IRF7: variants seen among roughly 807,000 people sequenced by gnomAD.
The protein encoded by IRF7 is interferon regulatory factor 7.
A neutral mutation model predicts 51.3 loss-of-function variants in IRF7; 67 were observed. The ratio of observed to expected loss-of-function variants is 1.31; its 90% CI spans 1.07 to 1.60. The LOEUF is 1.60. Ranked by LOEUF, IRF7 falls within the 40% of genes most tolerant of loss-of-function variation. The pLI, the probability that IRF7 is intolerant of heterozygous loss-of-function variation, is 0.00. For missense variants in IRF7, 873 were observed against 701.5 expected (o/e 1.24, Z -2.76); for synonymous variants, 427 against 301.3 (o/e 1.42, Z -4.32).
chr11:615,510 A>G lies in IRF7; in HGVS notation c.-146T>C. On this transcript the variant is annotated 5_prime_UTR_variant, in exon 2 of 11. Transcript: ENST00000525445. Reference sequence around the variant, plus strand: ...CCACAGGTGTGGACTGAGGGCTTGTAGCCACCGACGCTGCCTCGGTATGGA... The same window carrying G: ...CCACAGGTGTGGACTGAGGGCTTGTGGCCACCGACGCTGCCTCGGTATGGA... The G allele has an allele frequency of 1.1e-6, 1 of 882,170 alleles. No homozygotes were observed. The highest frequency in any genetic ancestry group is 1.9e-5 in the South Asian group (1 of 51,698). The allele number at this position is 882,170 out of a possible 1,614,324, so 54.6% of individuals were successfully genotyped here.
Position 612,714 on chromosome 11 carries a change from G to A in IRF7, c.1443C>T (p.Cys481=). Residue 481 remains cysteine (C), a synonymous_variant, in exon 11 of 11, where the codon TGC becomes TGT. Coordinates refer to ENST00000525445, the MANE Select transcript of IRF7 (RefSeq NM_001572.5). ...CATAGAGGCTGTTGGCGCTGGACAG[G>A]CAGAGGCTGAGGCTGCTGCTATCCA... is the stretch of plus-strand genomic sequence containing the variant. The part of the protein sequence containing the change: ...SSLDSSSLSL[C]LSSANSLYDD... 1 of 1,612,874 alleles carries A rather than the reference G, an allele frequency of 6.2e-7. No individual in the cohort carries two copies. The highest frequency in any genetic ancestry group is 2.2e-5 in the East Asian group (1 of 44,888).
rs762128931 is a variant in IRF7 at position 613,340 on chromosome 11, G to T, written c.1103C>A (p.Ala368Asp). The change falls in exon 9 of 11, where the codon GCC becomes GAC. Residue 368 changes from alanine to aspartate, a missense_variant. Coordinates refer to ENST00000525445, the MANE Select transcript of IRF7 (RefSeq NM_001572.5). ...HLELRGPQLW[A>D]RRMGKCKVYW... ...CACCTTGCACTTGCCCATGCGCCGG[G>T]CCCACAGCTGTGGCCCCCGAAGCTC... 6.2e-7 allele frequency: 1 copy of T among 1,611,644 alleles called. No homozygotes were observed. The highest frequency in any genetic ancestry group is 1.1e-5 in the South Asian group (1 of 90,972).
intron 10 of IRF7, 59 bp downstream of exon 10, chr11:612,940 C>G: frequency 5.0e-6 from 8 of 1,591,572 alleles, no homozygotes; most frequent in Non-Finnish European, 6.9e-6. Context: ...CTGAGGGCAT[C>G]AGGCGTCTGT....
rs1856768842 is a variant in IRF7 at position 615,199 on chromosome 11, A to T, written c.81T>A (p.Tyr27Ter). 1 of 1,602,038 alleles carries T rather than the reference A, an allele frequency of 6.2e-7. No homozygotes were observed. The highest frequency in any genetic ancestry group is 1.3e-5 in the African/African-American group (1 of 74,824). Residue 27 changes from tyrosine (Y) to a stop codon, truncating the protein, a stop_gained, in exon 3 of 11, where the codon TAT becomes TAA. Coordinates refer to ENST00000525445, the MANE Select transcript of IRF7 (RefSeq NM_001572.5). LOFTEE classifies it high-confidence loss of function. Reference protein sequence around the residue: ...WLLGEISSGCYEGLQWLDEAR... With the variant: ...WLLGEISSGC ...CCTCGTCCAGCCACTGCAGCCCCTC[A>T]TAGCAGCCGCTGCTGATCTCTCCAA...
rs1283068365 is a variant in IRF7, at chr11:614,845, C to T, written c.346G>A (p.Ala116Thr). Reference protein sequence around the residue: ...VMLRDNSGDPADPHKVYALSR... With the variant: ...VMLRDNSGDPTDPHKVYALSR... ...AGCGCGTACACCTTGTGCGGGTCGG[C>T]CGGGTCCCCCGAGTTATCCCGCAGC... The change falls in exon 4 of 11, where the codon GCC becomes ACC. Residue 116 changes from alanine to threonine, a missense_variant. Ala to Thr is a moderately conservative substitution (Grantham distance 58). Coordinates refer to ENST00000525445, the MANE Select transcript of IRF7 (RefSeq NM_001572.5). 1.3e-6 allele frequency: 2 copies of T among 1,563,210 alleles called. No individual in the cohort carries two copies. The highest frequency in any genetic ancestry group is 1.2e-5 in the South Asian group (1 of 85,152).
At position 613,006 on chromosome 11, in the gene IRF7, A is replaced by G. The variant is rs1169688479; in HGVS notation, c.1349T>C (p.Leu450Pro). Residue 450 changes from leucine (L) to proline (P), a missense_variant, in exon 10 of 11, where the codon CTG becomes CCG. Transcript: ENST00000525445. ...TTGAGGCTCTGGTCTCACCTTCACCAGGACCAGGCTCTTCTCCTTGGGCCT... is the reference window on the plus strand; with the variant it reads ...TTGAGGCTCTGGTCTCACCTTCACCGGGACCAGGCTCTTCTCCTTGGGCCT... ...AGRPKEKSLVLVKLEPWLCRV... is the reference protein window; with the variant it reads ...AGRPKEKSLVPVKLEPWLCRV... 1 of 1,612,938 alleles carries G rather than the reference A, an allele frequency of 6.2e-7. No individual in the cohort carries two copies. The highest frequency in any genetic ancestry group is 1.1e-5 in the South Asian group (1 of 91,076).
rs1564880698 is a variant in IRF7, at chr11:613,455, C to T, written c.988G>A (p.Ala330Thr). 6.4e-7 allele frequency: 1 copy of T among 1,551,064 alleles called. No homozygotes were observed. Among genetic ancestry groups the T allele is most frequent in the Non-Finnish European group, 8.7e-7 (1 of 1,149,196 alleles). Residue 330 changes from alanine to threonine, a missense_variant, in exon 9 of 11, where the codon GCA becomes ACA. Physicochemically the swap from Ala to Thr is moderately conservative, Grantham distance 58 (BLOSUM62 0). Transcript: ENST00000525445. ...GGGAGCTCGGCAGGGCTGGGGAATG[C>T]TACCTGCTGGGGGTCTGTGGCCCGG... ...AVRATDPQQV[A>T]FPSPAELPDQ...
In IRF7 at chr11:612,735, AT is replaced by A; in HGVS notation, c.1421del (p.Asp474ValfsTer46). ...ACAGGCAGAGGCTGAGGCTGCTGCT[AT>A]CCAGGGAAGACACACCCTCACGCTG... Reference protein sequence around the residue: ...GTQREGVSSLDSSSLSLCLSS... With the variant: ...GTQREGVSSLXSSSLSLCLSS... On this transcript the variant is annotated frameshift_variant, in exon 11 of 11. Coordinates refer to ENST00000525445, the MANE Select transcript of IRF7 (RefSeq NM_001572.5). LOFTEE classifies it high-confidence loss of function. 6.2e-7 allele frequency: 1 copy of A among 1,612,812 alleles called. No individual in the cohort carries two copies. Among genetic ancestry groups the A allele is most frequent in the Non-Finnish European group, 8.5e-7 (1 of 1,180,008 alleles).
intron 10 of IRF7, 91 bp from the exon 11 acceptor site, chr11:612,891 T>C (rs1856518030): frequency 8.2e-6 from 13 of 1,589,842 alleles, no homozygotes; most frequent in Non-Finnish European, 1.0e-5. Context: ...CGTCTGTCAG[T>C]GACCCGGTGT....
In IRF7 at chr11:613,055, A is replaced by C; in HGVS notation, c.1300T>G (p.Phe434Val). The change falls in exon 10 of 11, where the codon TTC (phenylalanine) becomes GTC (valine). Residue 434 changes from phenylalanine to valine, a missense_variant. Phe to Val is a conservative substitution (Grantham distance 50, BLOSUM62 -1). Coordinates refer to ENST00000525445, the MANE Select transcript of IRF7 (RefSeq NM_001572.5). ...CTCCCAGCTGACAGGTCCTGCCCGA[A>C]GCCCAGGTAGATGGTATAGCGTGGG... ...GSPRYTIYLG[F>V]GQDLSAGRPK... 6.2e-7 allele frequency: 1 copy of C among 1,613,078 alleles called. No homozygotes were observed. The highest frequency in any genetic ancestry group is 8.5e-7 in the Non-Finnish European group (1 of 1,179,996).
chr11:613,804 G>T lies in IRF7; in HGVS notation c.828C>A (p.Ser276Arg). 2.5e-6 allele frequency: 4 copies of T among 1,573,232 alleles called. No individual in the cohort carries two copies. Among genetic ancestry groups the T allele is most frequent in the Non-Finnish European group, 3.4e-6 (4 of 1,167,658 alleles). ...ACTCACCTTGCACCGCGGTGCAGGC[G>T]CTTGGGGAGGGTGACAGGTACGGCT... The part of the protein sequence containing the change: ...QAEPYLSPSP[S>R]ACTAVQEPSP... The change falls in exon 8 of 11, where the codon AGC becomes AGA. Residue 276 changes from serine to arginine, a missense_variant. Ser to Arg is a moderately radical substitution (Grantham distance 110). Transcript: ENST00000525445.
In IRF7 at chr11:613,839, G is replaced by A. The variant is rs1345971016; in HGVS notation, c.793C>T (p.His265Tyr). 3.8e-6 allele frequency: 6 copies of A among 1,598,340 alleles called. No individual in the cohort carries two copies. The highest frequency in any genetic ancestry group is 2.3e-5 in the East Asian group (1 of 44,418). Residue 265 changes from histidine (H) to tyrosine (Y), a missense_variant, in exon 8 of 11, where the codon CAC becomes TAC. Coordinates refer to ENST00000525445, the MANE Select transcript of IRF7 (RefSeq NM_001572.5). ...GGTGACAGGTACGGCTCTGCCTGGT[G>A]CGGGGACTCTGGGGCCGCGGCCTCG... is the stretch of plus-strand genomic sequence containing the variant. ...TGEAAAPESP[H>Y]QAEPYLSPSP...
chr11:613,075 C>T lies in IRF7; in HGVS notation c.1280G>A (p.Arg427His), dbSNP rs772011524. ...FRARQRRGSPRYTIYLGFGQD... is the reference protein window; with the variant it reads ...FRARQRRGSPHYTIYLGFGQD... ...CCCGAAGCCCAGGTAGATGGTATAG[C>T]GTGGGGAGCCACGGCGCTGCCGTGC... The change falls in exon 10 of 11, where the codon CGC becomes CAC. Residue 427 changes from arginine (R) to histidine (H), a missense_variant. Arg to His is a conservative substitution (Grantham distance 29, BLOSUM62 0). Transcript: ENST00000525445. 3.7e-5 allele frequency: 59 copies of T among 1,612,928 alleles called. No homozygotes were observed. Among genetic ancestry groups the T allele is most frequent in the African/African-American group, 6.7e-5 (5 of 74,928 alleles).
rs1244336930 is a variant in IRF7, at chr11:615,236, C to T, written c.44G>A (p.Gly15Glu). ...PERAAPRVLF[G>E]EWLLGEISSG... ...GCTGATCTCTCCAAGGAGCCACTCT[C>T]CGAACAGCACGCGTGGGGCTGCCCT... is the stretch of plus-strand genomic sequence containing the variant. Residue 15 changes from glycine (G) to glutamate (E), a missense_variant, in exon 3 of 11, where the codon GGA becomes GAA. Transcript: ENST00000525445. The T allele has an allele frequency of 6.3e-7, 1 of 1,589,586 alleles. No homozygotes were observed. Among genetic ancestry groups the T allele is most frequent in the Non-Finnish European group, 8.5e-7 (1 of 1,172,614 alleles).
intron 1 of IRF7, 50 bp from the exon 2 acceptor site, chr11:615,697 A>G (rs1856807307): frequency 5.3e-6 from 2 of 378,174 alleles, no homozygotes; most frequent in South Asian, 1.1e-4. Flanking sequence ...CTCCCGGGAA[A>G]GCGAAACCTA....
In IRF7 at chr11:614,039, TGAG is replaced by T. The variant is rs778582761; in HGVS notation, c.680-5_680-3del. The T allele has an allele frequency of 6.2e-7, 1 of 1,606,472 alleles. No individual in the cohort carries two copies. The highest frequency in any genetic ancestry group is 2.2e-5 in the East Asian group (1 of 44,598). ...GCTCCCCAGCAGGGAGCCCTGGGCC[TGAG>T]GAGGGGAGGACAGTGGGAACGGTGG... On this transcript the variant is annotated splice_region_variant and splice_polypyrimidine_tract_variant and intron_variant, in intron 6 of 10. Coordinates refer to ENST00000525445, the MANE Select transcript of IRF7 (RefSeq NM_001572.5).
Position 614,981 on chromosome 11 carries a change from C to T in IRF7, c.210G>A (p.Trp70Ter). 1 of 1,547,316 alleles carries T rather than the reference C, an allele frequency of 6.5e-7. No homozygotes were observed. Among genetic ancestry groups the T allele is most frequent in the African/African-American group, 1.4e-5 (1 of 73,688 alleles). The part of the protein sequence containing the change: ...FKAWAVARGR[W>*]PPSSRGGGPP... ...GGCCACCTCCCCTGCTGCTAGGCGG[C>T]CACCTGCCGCGGGCCACAGCCCAGG... The change falls in exon 4 of 11, where the codon TGG (tryptophan) becomes TGA (stop). Residue 70 changes from tryptophan (W) to a stop codon, truncating the protein, a stop_gained. Coordinates refer to ENST00000525445, the MANE Select transcript of IRF7 (RefSeq NM_001572.5). LOFTEE classifies it high-confidence loss of function.
Position 612,982 on chromosome 11 carries a change from T to C in IRF7, c.1356+17A>G. 2.5e-6 allele frequency: 4 copies of C among 1,610,934 alleles called. No homozygotes were observed. Among genetic ancestry groups the C allele is most frequent in the Non-Finnish European group, 3.4e-6 (4 of 1,178,168 alleles). ...GCCTGAGCACATGGCCTCCCCTCCT[T>C]GAGGCTCTGGTCTCACCTTCACCAG... On this transcript the variant is annotated intron_variant, in intron 10 of 10. Transcript: ENST00000525445.
Sources: gnomAD v4.1 joint callset for allele counts on GRCh38, gnomAD v4.1.1 for gene constraint, MANE v1.5 for transcripts, NCBI Gene and HGNC (gene_info 2026-07-23, HGNC 2026-07-21) for gene names.